The following KCNK2 variants were observed in gnomAD, a reference collection of about 807,000 sequenced individuals.
The protein encoded by KCNK2 is potassium two pore domain channel subfamily K member 2, also known as potassium channel subfamily K member 2.
A neutral mutation model predicts 40.5 loss-of-function variants in KCNK2; 21 were observed. The ratio of observed to expected loss-of-function variants is 0.52; its 90% CI spans 0.37 to 0.75. KCNK2 has a LOEUF of 0.75. Among genes scored for constraint, KCNK2 ranks in the 30% least tolerant of loss-of-function variants. KCNK2 has a pLI of 0.00. For synonymous variants in KCNK2, 191 were observed against 202.2 expected (o/e 0.94, Z 0.47); for missense variants, 399 against 531.6 (o/e 0.75, Z 2.45).
intron 2 of KCNK2, among the ~76,000 whole-genome samples, chr1:215,090,559 C>T (rs983285604): frequency 2.0e-5 from 3 of 152,090 alleles, no homozygotes; most frequent in Non-Finnish European, 4.4e-5. Context: ...AGGATTATAT[C>T]AGCATTTTCC....
intron 1 of KCNK2, among the ~76,000 whole-genome samples, chr1:215,026,426 T>A (rs1213705705): frequency 6.6e-6 from 1 of 152,010 alleles, no homozygotes; most frequent in Non-Finnish European, 1.5e-5. Context: ...AATCCATTGA[T>A]TTTTTTGTAA....
chr1:215,075,972 C>T (rs1178664812), intron 1 of KCNK2, among the ~76,000 whole-genome samples: 2 of 152,166 alleles, frequency 1.3e-5, no homozygotes, highest in African/African-American at 4.8e-5. Flanking sequence ...GGGGTGGGCC[C>T]CATAATCTGT....
intron 1 of KCNK2, among the ~76,000 whole-genome samples, chr1:215,070,096 G>C (rs960412820): frequency 6.6e-6 from 1 of 152,100 alleles, no homozygotes; most frequent in African/African-American, 2.4e-5. Flanking sequence ...AGACATGCTT[G>C]AGACTGGGTA....
intron 2 of KCNK2, among the ~76,000 whole-genome samples, chr1:215,116,483 C>G (rs1047791903): frequency 2.0e-5 from 3 of 152,044 alleles, no homozygotes; most frequent in Non-Finnish European, 1.5e-5. Context: ...TATCTGCTCT[C>G]AAATCTGTTG....
Position 215,208,646 on chromosome 1 carries a change from G to C in KCNK2, c.963+13554G>C, listed in dbSNP as rs542630223. Among the ~76,000 whole-genome samples, 7 of 152,140 alleles carry C rather than the reference G, an allele frequency of 4.6e-5. No individual in the cohort carries two copies. In the East Asian group the frequency reaches 1.2e-3, roughly 25 times the overall value. Reference sequence around the variant, plus strand: ...GAGTATCTTCTGAGAAAAATGCTACGTATGAAATATTGCCCTAAAGCTAGG... The same window carrying C: ...GAGTATCTTCTGAGAAAAATGCTACCTATGAAATATTGCCCTAAAGCTAGG... On this transcript the variant is annotated intron_variant, in intron 6 of 6. Transcript: ENST00000444842.
At position 215,083,234 on chromosome 1, in the gene KCNK2, C is replaced by T; in HGVS notation, c.-152C>T. 2 of 1,604,410 alleles carry T rather than the reference C, an allele frequency of 1.2e-6. No individual in the cohort carries two copies. The highest frequency in any genetic ancestry group is 1.7e-6 in the Non-Finnish European group (2 of 1,174,662). On this transcript the variant is annotated 5_prime_UTR_variant, in exon 1 of 7. Coordinates refer to ENST00000444842, the MANE Select transcript of KCNK2 (RefSeq NM_001017425.3). ...CTCCCGCGTCCAGCCCCGCTCTCCC[C>T]ACCTTGTAAAACAAAGCCGGGGAAA... is the stretch of plus-strand genomic sequence containing the variant.
chr1:215,049,709 T>A (rs1584760), intron 1 of KCNK2, among the ~76,000 whole-genome samples: 76,560 of 151,832 alleles, frequency 0.5, 19,835 homozygotes, highest in African/African-American at 0.56. Flanking sequence ...TATTTATTTA[T>A]TTTTTTAGCC....
At chr1:215,184,840 T>C (rs1474966711) in intron 5 of KCNK2, among the ~76,000 whole-genome samples, 1 of 152,062 alleles carries the variant, frequency 6.6e-6, no homozygotes, top group Non-Finnish European at 1.5e-5. Flanking sequence ...ACTAACAGTG[T>C]CAATTCAGTA....
chr1:215,117,573 T>A (rs1051852185), intron 2 of KCNK2, among the ~76,000 whole-genome samples: 1 of 152,164 alleles, frequency 6.6e-6, no homozygotes, highest in African/African-American at 2.4e-5. Flanking sequence ...TTCTTTTGCA[T>A]GCTCATATTT....
chr1:215,105,033 A>C (rs189158751), intron 2 of KCNK2, among the ~76,000 whole-genome samples: 19 of 151,904 alleles, frequency 1.3e-4, no homozygotes, highest in Non-Finnish European at 2.6e-4. Context: ...CTGTTCTGTT[A>C]TATCAGGCAC....
intron 5 of KCNK2, among the ~76,000 whole-genome samples, chr1:215,185,930 A>C (rs1302537133): frequency 6.6e-6 from 1 of 152,230 alleles, no homozygotes; most frequent in East Asian, 1.9e-4. Flanking sequence ...ATTAAAGGAA[A>C]AGAAGTATAT....
At chr1:215,056,615 C>CTTTTTTTTTTTTT (rs34925678) in intron 1 of KCNK2, among the ~76,000 whole-genome samples, 1 of 103,984 alleles carries the variant, frequency 9.6e-6, no homozygotes, top group African/African-American at 3.8e-5. Context: ...TGTGTCCACT[C>CTTTTTTTTTTTTT]TTTTTTTTTT....
At chr1:215,132,547 G>A (rs1314053325) in intron 3 of KCNK2, among the ~76,000 whole-genome samples, 1 of 152,082 alleles carries the variant, frequency 6.6e-6, no homozygotes, top group African/African-American at 2.4e-5. Context: ...ATGCAAGCTC[G>A]TGAAAGTAGA....
chr1:215,079,431 A>G (rs1229380291), upstream of KCNK2, among the ~76,000 whole-genome samples: 1 of 152,224 alleles, frequency 6.6e-6, no homozygotes, highest in Non-Finnish European at 1.5e-5. Flanking sequence ...GAGCAGGAGG[A>G]AGAGAGTGAA....
chr1:215,219,115 A>G (rs1666070787), intron 6 of KCNK2, among the ~76,000 whole-genome samples: 1 of 152,216 alleles, frequency 6.6e-6, no homozygotes, highest in Non-Finnish European at 1.5e-5. Flanking sequence ...AAGATAACTC[A>G]CAGAGACACA....
intron 1 of KCNK2, among the ~76,000 whole-genome samples, chr1:215,067,268 TTAAG>T (rs1180755781): frequency 2.0e-5 from 3 of 152,184 alleles, no homozygotes; most frequent in African/African-American, 7.2e-5. Context: ...ATGTATCCCA[TTAAG>T]TATGTACAAT....
intron 5 of KCNK2, among the ~76,000 whole-genome samples, chr1:215,177,107 TC>T (rs1468984455): frequency 2.6e-5 from 4 of 152,198 alleles, no homozygotes; most frequent in Non-Finnish European, 5.9e-5. Context: ...GAGTTTTTTT[TC>T]ATATGTTTCT....
chr1:215,146,519 C>G (rs1019523537), intron 3 of KCNK2, among the ~76,000 whole-genome samples: 1 of 152,260 alleles, frequency 6.6e-6, no homozygotes, highest in Middle Eastern at 3.4e-3. Flanking sequence ...AAAGTTGACA[C>G]AAAATGTCAA....
chr1:215,017,570 G>A (rs1219839578), intron 1 of KCNK2, among the ~76,000 whole-genome samples: 1 of 152,122 alleles, frequency 6.6e-6, no homozygotes, highest in Non-Finnish European at 1.5e-5. Context: ...TAGAATGGTG[G>A]TTACCAGAGA....
Sources: gnomAD v4.1 joint callset for allele counts (sites outside exome capture counted in the v4.1 genomes callset) on GRCh38, gnomAD v4.1.1 for gene constraint, MANE v1.5 for transcripts, NCBI Gene and HGNC (gene_info 2026-07-23, HGNC 2026-07-21) for gene names.